The following DAB1 variants were observed in gnomAD, a reference collection of about 807,000 sequenced individuals.
The protein encoded by DAB1 is disabled homolog 1.
DAB1 carries 15 observed loss-of-function variants against 64.6 expected under a neutral mutation model. The ratio of observed to expected loss-of-function variants is 0.23; its 90% confidence interval spans 0.16 to 0.36. DAB1 has a LOEUF of 0.36. DAB1 is among the 10% of genes least tolerant of loss of function. The pLI, the probability that DAB1 is intolerant of heterozygous loss-of-function variation, is 1.00. For synonymous variants in DAB1, 235 were observed against 251.9 expected, an observed-to-expected ratio of 0.93 and a Z score of 0.64; for missense variants, 596 against 706.7, an observed-to-expected ratio of 0.84 and a Z score of 1.78.
intron 1 of DAB1, among the ~76,000 whole-genome samples, chr1:57,411,327 C>T (rs891209316): frequency 1.3e-5 from 2 of 152,316 alleles, no homozygotes; most frequent in African/African-American, 4.8e-5. Context: ...ATGACCTGGA[C>T]TCATCTTTCT....
chr1:58,042,790 A>G (rs1274460622), intron 5 of DAB1, among the ~76,000 whole-genome samples: 2 of 152,216 alleles, frequency 1.3e-5, no homozygotes, highest in Non-Finnish European at 2.9e-5. Context: ...CAAAGATATT[A>G]GAGGAGCTTA....
At chr1:57,888,382 C>A (rs552026524), upstream of DAB1, among the ~76,000 whole-genome samples, 1 of 152,238 alleles carries the variant, frequency 6.6e-6, no homozygotes, top group Non-Finnish European at 1.5e-5. Context: ...AGTAAACAAG[C>A]CCTCGATTCC....
intron 3 of DAB1, among the ~76,000 whole-genome samples, chr1:58,358,610 G>A (rs192444143): frequency 6.6e-6 from 1 of 152,308 alleles, no homozygotes; most frequent in Non-Finnish European, 1.5e-5. Context: ...AGGTGGGGAT[G>A]CAGCCTGGAT....
intron 6 of DAB1, among the ~76,000 whole-genome samples, chr1:57,793,939 T>C (rs1165360826): frequency 6.6e-6 from 1 of 152,152 alleles, no homozygotes; most frequent in African/African-American, 2.4e-5. Context: ...GGGCATAGCA[T>C]TTGTCCTAGT....
chr1:56,999,909 C>T (rs3768211), intron 14 of DAB1, among the ~76,000 whole-genome samples: 17,412 of 152,138 alleles, frequency 0.11, 1,434 homozygotes, highest in East Asian at 0.33. Flanking sequence ...GCCTTCTGCC[C>T]GTAGACTTTC....
chr1:57,813,455 T>C (rs1334139376), intron 6 of DAB1, among the ~76,000 whole-genome samples: 1 of 152,130 alleles, frequency 6.6e-6, no homozygotes, highest in East Asian at 1.9e-4. Context: ...CAAAGGCAAA[T>C]TAAGACACAG....
intron 1 of DAB1, among the ~76,000 whole-genome samples, chr1:57,853,965 C>A (rs1244031589): frequency 6.6e-6 from 1 of 152,166 alleles, no homozygotes; most frequent in African/African-American, 2.4e-5. Flanking sequence ...CACATCTATT[C>A]ATTCATTATT....
At chr1:58,061,246 C>A (rs1039838853) in intron 5 of DAB1, among the ~76,000 whole-genome samples, 2 of 152,172 alleles carry the variant, frequency 1.3e-5, no homozygotes, top group Non-Finnish European at 2.9e-5. Flanking sequence ...TCGCTTAACC[C>A]CTCTGCTTTA....
At chr1:57,462,130 G>A (rs1158056011) in intron 7 of DAB1, among the ~76,000 whole-genome samples, 2 of 151,716 alleles carry the variant, frequency 1.3e-5, no homozygotes, top group East Asian at 3.9e-4. Context: ...TGTATTTTTA[G>A]TAGAGACAGG....
intron 2 of DAB1, among the ~76,000 whole-genome samples, chr1:57,237,473 A>G (rs529740803): frequency 1.5e-4 from 23 of 152,284 alleles, no homozygotes; most frequent in Admixed American, 9.1e-4. Flanking sequence ...TCTGAAATAG[A>G]TTTCCTTTCT....
chr1:57,565,775 C>T (rs1254549664), intron 7 of DAB1, among the ~76,000 whole-genome samples: 2 of 152,158 alleles, frequency 1.3e-5, no homozygotes, highest in African/African-American at 2.4e-5. Context: ...ATTCATAAAG[C>T]AGCTCCTTAG....
At chr1:57,298,904 T>A (rs1673412062) in intron 1 of DAB1, among the ~76,000 whole-genome samples, 1 of 152,222 alleles carries the variant, frequency 6.6e-6, no homozygotes, top group African/African-American at 2.4e-5. Flanking sequence ...TAGAACTTTT[T>A]TTCCCTTTGG....
intron 5 of DAB1, among the ~76,000 whole-genome samples, chr1:58,099,046 G>A (rs528134051): frequency 6.6e-6 from 1 of 152,146 alleles, no homozygotes; most frequent in Admixed American, 6.5e-5. Context: ...CTCAGAAATG[G>A]GTGTTTCAAG....
chr1:57,370,776 C>A (rs905130288), intron 1 of DAB1, among the ~76,000 whole-genome samples: 33 of 152,182 alleles, frequency 2.2e-4, no homozygotes, highest in African/African-American at 8.0e-4. Flanking sequence ...AGCCTTGAGT[C>A]CTGACCTAGA....
At chr1:57,164,078 G>A (rs1363047760) in intron 2 of DAB1, among the ~76,000 whole-genome samples, 1 of 152,114 alleles carries the variant, frequency 6.6e-6, no homozygotes, top group Non-Finnish European at 1.5e-5. Flanking sequence ...TTTATCATAT[G>A]GAAGAGACAA....
chr1:57,925,909 T>C (rs982432143), intron 5 of DAB1, among the ~76,000 whole-genome samples: 1 of 152,162 alleles, frequency 6.6e-6, no homozygotes, highest in Non-Finnish European at 1.5e-5. Context: ...GTCTGGGGTT[T>C]CTCTTGGGCC....
chr1:57,565,414 C>A (rs1434375253), intron 7 of DAB1, among the ~76,000 whole-genome samples: 1 of 149,830 alleles, frequency 6.7e-6, no homozygotes, highest in African/African-American at 2.5e-5. Context: ...ATCAAATTCA[C>A]ACATAACAAT....
chr1:58,243,968 C>T (rs1660417856), intron 4 of DAB1, among the ~76,000 whole-genome samples: 2 of 151,916 alleles, frequency 1.3e-5, no homozygotes. Context: ...AAAATTTCAT[C>T]ATTTCATGCT....
At chr1:57,410,547 CT>C (rs1269335247) in intron 1 of DAB1, among the ~76,000 whole-genome samples, 1 of 152,208 alleles carries the variant, frequency 6.6e-6, no homozygotes, top group African/African-American at 2.4e-5. Flanking sequence ...TGAGCCTATG[CT>C]GTATGACCTT....
Sources: allele counts gnomAD v4.1 joint callset (sites outside exome capture counted in the v4.1 genomes callset), GRCh38; gene constraint gnomAD v4.1.1; transcripts MANE v1.5; gene names NCBI Gene and HGNC (gene_info 2026-07-23, HGNC 2026-07-21).